The following HMSD variants were observed in gnomAD, a reference collection of about 807,000 sequenced individuals.
The protein encoded by HMSD is serpin-like protein HMSD.
HMSD carries 13 observed loss-of-function variants against 10.0 expected under a neutral mutation model. That is an observed-to-expected ratio of 1.31 (90% confidence interval 0.85 to 2.08). The LOEUF (loss-of-function observed/expected upper bound fraction) is 2.08, where lower values mean the gene tolerates loss of function less well. Among genes scored for constraint, HMSD ranks in the 30% most tolerant of loss-of-function variants. HMSD has a pLI of 0.00. For synonymous variants in HMSD, 51 were observed against 54.2 expected, an observed-to-expected ratio of 0.94 and a Z score of 0.26; for missense variants, 169 against 166.3, an observed-to-expected ratio of 1.02 and a Z score of -0.09.
In HMSD at chr18:63,960,641, T is replaced by C. The variant is rs2050381560; in HGVS notation, c.*286T>C. ...CAGGCTTGAAATGCAACTGCTGTGA[T>C]CAGTGATAAGGGAACACACTGATGA... On this transcript the variant is annotated 3_prime_UTR_variant, in exon 4 of 4. Transcript: ENST00000408945. 3.1e-6 allele frequency: 1 copy of C among 324,624 alleles called. No individual in the cohort carries two copies. Among genetic ancestry groups the C allele is most frequent in the Non-Finnish European group, 5.7e-6 (1 of 175,598 alleles). The allele number at this position is 324,624 out of a possible 1,614,324, so 20.1% of individuals were successfully genotyped here. A position where few individuals can be genotyped will look rare whatever the true frequency, so the allele number is the denominator to read the frequency against.
At chr18:63,959,556 AT>A (rs1216143029) in intron 3 of HMSD, among the ~76,000 whole-genome samples, 2 of 152,310 alleles carry the variant, frequency 1.3e-5, no homozygotes, top group African/African-American at 4.8e-5. Context: ...GTGGCCCAGA[AT>A]GTGGTCTCTT....
intron 3 of HMSD, among the ~76,000 whole-genome samples, chr18:63,955,444 G>A (rs147748248): frequency 5.5e-4 from 84 of 152,234 alleles, no homozygotes; most frequent in African/African-American, 1.9e-3. Flanking sequence ...GTGCATATGT[G>A]TATGAGTTAC....
intron 3 of HMSD, among the ~76,000 whole-genome samples, chr18:63,957,143 A>T (rs921086712): frequency 4.6e-5 from 7 of 152,154 alleles, no homozygotes; most frequent in African/African-American, 1.7e-4. Flanking sequence ...TACATGGTTG[A>T]TGAAATAATC....
intron 3 of HMSD, chr18:63,968,506 C>T (rs1055375163): frequency 1.3e-5 from 2 of 152,276 alleles, no homozygotes; most frequent in East Asian, 1.9e-4. Flanking sequence ...CTCTTTGCAC[C>T]TGCACGCACT....
chr18:63,963,093 CTTTCTTTCTTTCTT>C (rs1568261301), downstream of HMSD, among the ~76,000 whole-genome samples: 22 of 126,964 alleles, frequency 1.7e-4, no homozygotes, highest in African/African-American at 7.5e-4. Context: ...TTCTTTCTTT[CTTTCTTTCTTTCTT>C]TCTTTCTTTC....
intron 3 of HMSD, among the ~76,000 whole-genome samples, chr18:63,959,319 C>T (rs1020878437): frequency 1.9e-4 from 29 of 152,308 alleles, no homozygotes; most frequent in Admixed American, 5.9e-4. Flanking sequence ...TGTTGCTCCA[C>T]GTTTTCACCA....
In HMSD at chr18:63,954,437, A is replaced by G; in HGVS notation, c.102A>G (p.Glu34=). 1 of 1,613,156 alleles carries G rather than the reference A, an allele frequency of 6.2e-7. No homozygotes were observed. Among genetic ancestry groups the G allele is most frequent in the Non-Finnish European group, 8.5e-7 (1 of 1,179,210 alleles). ...TTTGTTTTAGTAAAATCGGAGGTGA[A>G]GATGGAGATATTCATCGAGGTTTTC... is the stretch of plus-strand genomic sequence containing the variant. ...QALCFSKIGG[E]DGDIHRGFQS... The change falls in exon 3 of 4, where the codon GAA becomes GAG. Residue 34 remains glutamate (E), a synonymous_variant. Coordinates refer to ENST00000408945, the MANE Select transcript of HMSD (RefSeq NM_001123366.2).
downstream of HMSD, among the ~76,000 whole-genome samples, chr18:63,963,126 TTTC>T (rs1433791179): frequency 4.6e-5 from 6 of 130,960 alleles, no homozygotes; most frequent in Admixed American, 7.6e-5. Context: ...TCTTTCTTTC[TTTC>T]TTTCCTTTCT....
At chr18:63,968,110 A>C (rs1353738557) in intron 3 of HMSD, 2 of 152,100 alleles carry the variant, frequency 1.3e-5, no homozygotes, top group African/African-American at 4.8e-5. Flanking sequence ...AGTGATGCCA[A>C]ATTTATGTCC....
intron 3 of HMSD, among the ~76,000 whole-genome samples, chr18:63,958,279 G>A (rs551891749): frequency 6.6e-6 from 1 of 152,242 alleles, no homozygotes; most frequent in African/African-American, 2.4e-5. Context: ...AGAACATGGA[G>A]GCATAAACAG....
chr18:63,963,114 TTTCTTTCTTTCTTTCTTTC>T (rs1568261377), downstream of HMSD, among the ~76,000 whole-genome samples: 16 of 137,234 alleles, frequency 1.2e-4, no homozygotes, highest in African/African-American at 4.1e-4. Flanking sequence ...TCTTTCTTTC[TTTCTTTCTTTCTTTCTTTC>T]CTTTCTTTCT....
intron 3 of HMSD, among the ~76,000 whole-genome samples, chr18:63,967,571 G>A (rs987189339): frequency 3.3e-5 from 5 of 152,160 alleles, no homozygotes; most frequent in African/African-American, 1.2e-4. Flanking sequence ...TGGAGACGGT[G>A]GTAGCTCAAC....
downstream of HMSD, among the ~76,000 whole-genome samples, chr18:63,962,196 A>G (rs1031950864): frequency 1.3e-5 from 2 of 152,218 alleles, no homozygotes; most frequent in Admixed American, 6.5e-5. Context: ...TGAGACTCAG[A>G]AGTTAAGTAG....
chr18:63,957,497 T>G (rs905510624), intron 3 of HMSD, among the ~76,000 whole-genome samples: 2 of 152,170 alleles, frequency 1.3e-5, no homozygotes, highest in African/African-American at 2.4e-5. Context: ...TACTGTGATA[T>G]GTATTTTTTC....
intron 2 of HMSD, among the ~76,000 whole-genome samples, 200 bp from the exon 3 acceptor site, chr18:63,954,208 C>T (rs1163281580): frequency 6.6e-6 from 1 of 152,152 alleles, no homozygotes; most frequent in Non-Finnish European, 1.5e-5. Flanking sequence ...TTAGGATGTG[C>T]TTATAGGGAG....
At chr18:63,954,590 A>T in intron 3 of HMSD, 33 bp downstream of exon 3, 1 of 1,583,876 alleles carries the variant, frequency 6.3e-7, no homozygotes, top group Non-Finnish European at 8.6e-7. Context: ...GAAAATAAAG[A>T]TAGCAATGTG....
chr18:63,952,287 AT>A (rs77820487), intron 1 of HMSD, among the ~76,000 whole-genome samples: 3,352 of 150,884 alleles, frequency 0.022, 113 homozygotes, highest in African/African-American at 0.069. Flanking sequence ...AAGTATAATA[AT>A]AAAAAAAAAA....
chr18:63,960,603 A>G lies in HMSD; in HGVS notation c.*248A>G. 2.4e-6 allele frequency: 1 copy of G among 409,296 alleles called. No individual in the cohort carries two copies. The highest frequency in any genetic ancestry group is 4.2e-6 in the Non-Finnish European group (1 of 237,896). 25.4% of individuals were successfully genotyped at this position (409,296 alleles called of 1,614,324 possible). On this transcript the variant is annotated 3_prime_UTR_variant, in exon 4 of 4. Coordinates refer to ENST00000408945, the MANE Select transcript of HMSD (RefSeq NM_001123366.2). ...CTGTCTCCCTCACTGGTATTGCCAT[A>G]CTGTATGGTTTACAGGCTTGAAATG... is the stretch of plus-strand genomic sequence containing the variant.
At chr18:63,953,324 G>A (rs2050340625) in intron 1 of HMSD, 30 bp from the exon 2 acceptor site, 1 of 651,434 alleles carries the variant, frequency 1.5e-6, no homozygotes, top group Admixed American at 2.4e-5. Flanking sequence ...CTATATTAAT[G>A]TAATATTGTT....
Sources: allele counts gnomAD v4.1 joint callset (sites outside exome capture counted in the v4.1 genomes callset), GRCh38; gene constraint gnomAD v4.1.1; transcripts MANE v1.5; gene names NCBI Gene and HGNC (gene_info 2026-07-23, HGNC 2026-07-21).